FGFBP3: variants seen among roughly 807,000 people sequenced by gnomAD.
The protein encoded by FGFBP3 is fibroblast growth factor binding protein 3, also known as fibroblast growth factor-binding protein 3.
FGFBP3 carries 4 observed loss-of-function variants against 4.8 expected under a neutral mutation model. The ratio of observed to expected loss-of-function variants is 0.83; its 90% CI spans 0.41 to 1.90. The LOEUF is 1.90. Ranked by LOEUF, FGFBP3 falls within the 40% of genes most tolerant of loss-of-function variation. FGFBP3 has a pLI of 0.03. For missense variants in FGFBP3, 429 were observed against 397.4 expected, an observed-to-expected ratio of 1.08 and a Z score of -0.68; for synonymous variants, 215 against 190.0, an observed-to-expected ratio of 1.13 and a Z score of -1.08.
rs1564642469 is a variant in FGFBP3 at position 91,908,961 on chromosome 10, A to T, written c.9T>A (p.Pro3=). ...GCGACAGCGACGCTCGCAGCTTCGG[A>T]GGAGTCATGCTCCGCGGTTTCCGCG... MT[P]PKLRASLSPS... The change falls in exon 2 of 2, where the codon CCT becomes CCA. Residue 3 remains proline, a synonymous_variant. Coordinates refer to ENST00000311575, the MANE Select transcript of FGFBP3 (RefSeq NM_152429.5). 1 of 1,585,526 alleles carries T rather than the reference A, an allele frequency of 6.3e-7. No individual in the cohort carries two copies. The highest frequency in any genetic ancestry group is 8.6e-7 in the Non-Finnish European group (1 of 1,167,936).
In FGFBP3 at chr10:91,908,490, C is replaced by A; in HGVS notation, c.480G>T (p.Ala160=). 7.2e-7 allele frequency: 1 copy of A among 1,393,558 alleles called. No individual in the cohort carries two copies. The highest frequency in any genetic ancestry group is 3.0e-5 in the East Asian group (1 of 33,262). 86.3% of individuals were successfully genotyped at this position (1,393,558 alleles called of 1,614,324 possible). A position where few individuals can be genotyped will look rare whatever the true frequency, so the allele number is the denominator to read the frequency against. Residue 160 remains alanine (A), a synonymous_variant, in exon 2 of 2, where the codon GCG becomes GCT. Transcript: ENST00000311575. ...GGGGCTTGGACTCCCCCGCGAATCCCGCGACGGTGGGGCGTGCGGGCGGGG... is the reference window on the plus strand; with the variant it reads ...GGGGCTTGGACTCCCCCGCGAATCCAGCGACGGTGGGGCGTGCGGGCGGGG... ...RASPPARPTV[A]GFAGESKPRA...
rs528736388 is a variant in FGFBP3, at chr10:91,908,490, C to T, written c.480G>A (p.Ala160=). The T allele has an allele frequency of 1.4e-6, 2 of 1,393,556 alleles. No homozygotes were observed. Among genetic ancestry groups the T allele is most frequent in the East Asian group, 3.0e-5 (1 of 33,262 alleles). The allele number at this position is 1,393,556 out of a possible 1,614,324, so 86.3% of individuals were successfully genotyped here. A position where few individuals can be genotyped will look rare whatever the true frequency, so the allele number is the denominator to read the frequency against. ...GGGGCTTGGACTCCCCCGCGAATCC[C>T]GCGACGGTGGGGCGTGCGGGCGGGG... is the stretch of plus-strand genomic sequence containing the variant. The part of the protein sequence containing the change: ...RASPPARPTV[A]GFAGESKPRA... The change falls in exon 2 of 2, where the codon GCG becomes GCA. Residue 160 remains alanine (A), a synonymous_variant. Coordinates refer to ENST00000311575, the MANE Select transcript of FGFBP3 (RefSeq NM_152429.5).
Position 91,908,638 on chromosome 10 carries a change from T to C in FGFBP3, c.332A>G (p.Lys111Arg). The C allele has an allele frequency of 7.0e-7, 1 of 1,437,502 alleles. No individual in the cohort carries two copies. The highest frequency in any genetic ancestry group is 9.1e-7 in the Non-Finnish European group (1 of 1,098,972). 89.0% of individuals were successfully genotyped at this position (1,437,502 alleles called of 1,614,324 possible). A position where few individuals can be genotyped will look rare whatever the true frequency, so the allele number is the denominator to read the frequency against. The change falls in exon 2 of 2, where the codon AAG (lysine) becomes AGG (arginine). Residue 111 changes from lysine to arginine, a missense_variant. Physicochemically the swap from Lys to Arg is conservative, Grantham distance 26. Transcript: ENST00000311575. ...CTTGCGCAGCCCTCCCAGCACCTGC[T>C]TCCAGAAGTGCGCGCGGCGAGCGGC... ...AYAARRAHFW[K>R]QVLGGLRKKR...
In FGFBP3 at chr10:91,908,026, C is replaced by T. The variant is rs1385366385; in HGVS notation, c.*167G>A. The T allele has an allele frequency of 7.0e-6, 5 of 715,882 alleles. No homozygotes were observed. The Admixed American group carries it at 1.5e-4, about 22-fold the overall frequency. 44.3% of individuals were successfully genotyped at this position (715,882 alleles called of 1,614,324 possible). A position where few individuals can be genotyped will look rare whatever the true frequency, so the allele number is the denominator to read the frequency against. The stretch of plus-strand genomic sequence containing the variant: ...TGCTATCCCAGAGATTCTCCATACC[C>T]CTTACACTCTCATCCCAAGCATCTC... On this transcript the variant is annotated 3_prime_UTR_variant, in exon 2 of 2. Transcript: ENST00000311575.
chr10:91,908,265 C>T lies in FGFBP3; in HGVS notation c.705G>A (p.Glu235=). 1 of 1,605,592 alleles carries T rather than the reference C, an allele frequency of 6.2e-7. No individual in the cohort carries two copies. Among genetic ancestry groups the T allele is most frequent in the African/African-American group, 1.3e-5 (1 of 74,506 alleles). ...PDPDGLDGNA[E]LTETYCAEKW... ...TCTCAGCGCAGTAGGTCTCCGTGAG[C>T]TCCGCGTTCCCGTCCAGCCCGTCGG... The change falls in exon 2 of 2, where the codon GAG becomes GAA. Residue 235 remains glutamate, a synonymous_variant. Transcript: ENST00000311575.
rs1487058146 is a variant in FGFBP3 at position 91,908,585 on chromosome 10, G to A, written c.385C>T (p.Pro129Ser). 5.6e-6 allele frequency: 8 copies of A among 1,419,670 alleles called. No individual in the cohort carries two copies. Among genetic ancestry groups the A allele is most frequent in the Admixed American group, 3.3e-5 (1 of 30,708 alleles). 87.9% of individuals were successfully genotyped at this position (1,419,670 alleles called of 1,614,324 possible). ...KKRRPCHDPA[P>S]LQARLCAGKK... ...CCCGCGCACAAGCGGGCCTGGAGCG[G>A]CGCGGGGTCGTGACAGGGCCTCCGC... Residue 129 changes from proline (P) to serine (S), a missense_variant, in exon 2 of 2, where the codon CCG becomes TCG. Coordinates refer to ENST00000311575, the MANE Select transcript of FGFBP3 (RefSeq NM_152429.5).
At position 91,908,704 on chromosome 10, in the gene FGFBP3, T is replaced by C. The variant is rs1052522347; in HGVS notation, c.266A>G (p.Gln89Arg). ...RCQSPDGARH[Q>R]CAYRGHPERC... ...CTCCGGATGCCCGCGGTAGGCGCAC[T>C]GGTGGCGCGCCCCGTCCGGGCTCTG... is the stretch of plus-strand genomic sequence containing the variant. The change falls in exon 2 of 2, where the codon CAG becomes CGG. Residue 89 changes from glutamine (Q) to arginine (R), a missense_variant. Physicochemically the swap from Gln to Arg is conservative, Grantham distance 43. Coordinates refer to ENST00000311575, the MANE Select transcript of FGFBP3 (RefSeq NM_152429.5). 3.2e-5 allele frequency: 45 copies of C among 1,396,492 alleles called. No homozygotes were observed. The East Asian group carries it at 1.3e-3, about 40-fold the overall frequency. The allele number at this position is 1,396,492 out of a possible 1,614,324, so 86.5% of individuals were successfully genotyped here.
In FGFBP3 at chr10:91,908,197, C is replaced by G. The variant is rs751304025; in HGVS notation, c.773G>C (p.Gly258Ala). Residue 258 changes from glycine (G) to alanine (A), a missense_variant, in exon 2 of 2, where the codon GGC (glycine) becomes GCC (alanine). By Grantham distance (60) the Gly-to-Ala change is moderately conservative. Transcript: ENST00000311575. ...LCNFFVNFWN[G>A] Reference sequence around the variant, plus strand: ...TCCCTAAGCCGGCAGGCAGTCTCAGCCGTTCCAGAAATTGACAAAGAAGTT... The same window carrying G: ...TCCCTAAGCCGGCAGGCAGTCTCAGGCGTTCCAGAAATTGACAAAGAAGTT... The G allele has an allele frequency of 6.3e-7, 1 of 1,596,022 alleles. No homozygotes were observed. The highest frequency in any genetic ancestry group is 1.1e-5 in the South Asian group (1 of 88,520).
At position 91,908,542 on chromosome 10, in the gene FGFBP3, G is replaced by A; in HGVS notation, c.428C>T (p.Ala143Val). The A allele has an allele frequency of 7.2e-7, 1 of 1,380,896 alleles. No individual in the cohort carries two copies. Among genetic ancestry groups the A allele is most frequent in the South Asian group, 1.7e-5 (1 of 60,176 alleles). The allele number at this position is 1,380,896 out of a possible 1,614,324, so 85.5% of individuals were successfully genotyped here. A position where few individuals can be genotyped will look rare whatever the true frequency, so the allele number is the denominator to read the frequency against. Residue 143 changes from alanine to valine, a missense_variant, in exon 2 of 2, where the codon GCC becomes GTC. Coordinates refer to ENST00000311575, the MANE Select transcript of FGFBP3 (RefSeq NM_152429.5). ...RLCAGKKGHG[A>V]ELRLVPRASP... is the part of the protein sequence containing the mutation. Reference sequence around the variant, plus strand: ...CGCGCGGGGCACTAGCCGCAGCTCGGCGCCGTGGCCCTTCTTGCCCGCGCA... The same window carrying A: ...CGCGCGGGGCACTAGCCGCAGCTCGACGCCGTGGCCCTTCTTGCCCGCGCA...
chr10:91,906,997 G>A lies in FGFBP3; in HGVS notation c.*1196C>T, dbSNP rs1179213895. The A allele has an allele frequency of 6.6e-6, 1 of 151,762 alleles. No homozygotes were observed. The highest frequency in any genetic ancestry group is 1.5e-5 in the Non-Finnish European group (1 of 67,986). 9.4% of individuals were successfully genotyped at this position (151,762 alleles called of 1,614,324 possible). On this transcript the variant is annotated 3_prime_UTR_variant, in exon 2 of 2. Coordinates refer to ENST00000311575, the MANE Select transcript of FGFBP3 (RefSeq NM_152429.5). Reference sequence around the variant, plus strand: ...TAAAAATGAAATATATTAATAATTAGTTACATGAAACAGAGAGATACAACT... The same window carrying A: ...TAAAAATGAAATATATTAATAATTAATTACATGAAACAGAGAGATACAACT...
chr10:91,908,547 G>A lies in FGFBP3; in HGVS notation c.423C>T (p.His141=), dbSNP rs529040118. The change falls in exon 2 of 2, where the codon CAC becomes CAT. Residue 141 remains histidine, a synonymous_variant. Transcript: ENST00000311575. ...GGGGCACTAGCCGCAGCTCGGCGCC[G>A]TGGCCCTTCTTGCCCGCGCACAAGC... The part of the protein sequence containing the change: ...QARLCAGKKG[H]GAELRLVPRA... The A allele has an allele frequency of 2.3e-4, 319 of 1,385,446 alleles. 4 individuals are homozygous for A. In the South Asian group the frequency reaches 5.0e-3, roughly 22 times the overall value. The allele number at this position is 1,385,446 out of a possible 1,614,324, so 85.8% of individuals were successfully genotyped here. A position where few individuals can be genotyped will look rare whatever the true frequency, so the allele number is the denominator to read the frequency against.
In FGFBP3 at chr10:91,908,662, G is replaced by A; in HGVS notation, c.308C>T (p.Ala103Val). 1 of 1,435,748 alleles carries A rather than the reference G, an allele frequency of 7.0e-7. No individual in the cohort carries two copies. Among genetic ancestry groups the A allele is most frequent in the Non-Finnish European group, 9.1e-7 (1 of 1,098,510 alleles). 88.9% of individuals were successfully genotyped at this position (1,435,748 alleles called of 1,614,324 possible). ...RGHPERCAAY[A>V]ARRAHFWKQV... ...CTTCCAGAAGTGCGCGCGGCGAGCG[G>A]CGTAGGCTGCGCAGCGCTCCGGATG... The change falls in exon 2 of 2, where the codon GCC (alanine) becomes GTC (valine). Residue 103 changes from alanine (A) to valine (V), a missense_variant. Ala to Val is a moderately conservative substitution (Grantham distance 64). Transcript: ENST00000311575.
rs759710869 is a variant in FGFBP3, at chr10:91,908,422, G to A, written c.548C>T (p.Pro183Leu). 1.5e-5 allele frequency: 22 copies of A among 1,512,822 alleles called. No individual in the cohort carries two copies. The highest frequency in any genetic ancestry group is 1.8e-5 in the Non-Finnish European group (21 of 1,137,340). 93.7% of individuals were successfully genotyped at this position (1,512,822 alleles called of 1,614,324 possible). A position where few individuals can be genotyped will look rare whatever the true frequency, so the allele number is the denominator to read the frequency against. Residue 183 changes from proline (P) to leucine (L), a missense_variant, in exon 2 of 2, where the codon CCA (proline) becomes CTA (leucine). Physicochemically the swap from Pro to Leu is moderately conservative, Grantham distance 98 (BLOSUM62 -3). Coordinates refer to ENST00000311575, the MANE Select transcript of FGFBP3 (RefSeq NM_152429.5). The part of the protein sequence containing the change: ...RGRTRERASG[P>L]AAGTPPPQSA... ...TTGGGGAGGCGGGGTCCCAGCGGCT[G>A]GGCCGGACGCACGCTCCCGGGTCCG...
Position 91,907,217 on chromosome 10 carries a change from C to A in FGFBP3, c.*976G>T, listed in dbSNP as rs117628102. 6.6e-6 allele frequency: 1 copy of A among 152,140 alleles called. No individual in the cohort carries two copies. The highest frequency in any genetic ancestry group is 6.5e-5 in the Admixed American group (1 of 15,272). The allele number at this position is 152,140 out of a possible 1,614,324, so 9.4% of individuals were successfully genotyped here. On this transcript the variant is annotated 3_prime_UTR_variant, in exon 2 of 2. Transcript: ENST00000311575. ...AAAAAGTAGCACTTCTAGTGGCACACCCCTGTAGTCCTGGCTACTCCGGAG... is the reference window on the plus strand; with the variant it reads ...AAAAAGTAGCACTTCTAGTGGCACAACCCTGTAGTCCTGGCTACTCCGGAG...
Position 91,908,905 on chromosome 10 carries a change from A to G in FGFBP3, c.65T>C (p.Leu22Pro). The G allele has an allele frequency of 6.2e-7, 1 of 1,601,958 alleles. No individual in the cohort carries two copies. The highest frequency in any genetic ancestry group is 8.5e-7 in the Non-Finnish European group (1 of 1,176,664). The change falls in exon 2 of 2, where the codon CTC (leucine) becomes CCC (proline). Residue 22 changes from leucine (L) to proline (P), a missense_variant. Coordinates refer to ENST00000311575, the MANE Select transcript of FGFBP3 (RefSeq NM_152429.5). ...TTTCTCCCTCCGAGCAGCCGCGAGG[A>G]GGCAACCACTCAGCAGCAGCAGCAG... is the stretch of plus-strand genomic sequence containing the variant. ...PSLLLLLSGC[L>P]LAAARREKGA...
In FGFBP3 at chr10:91,908,617, C is replaced by G; in HGVS notation, c.353G>C (p.Arg118Pro). Reference protein sequence around the residue: ...HFWKQVLGGLRKKRRPCHDPA... With the variant: ...HFWKQVLGGLPKKRRPCHDPA... ...GTCGTGACAGGGCCTCCGCTTCTTG[C>G]GCAGCCCTCCCAGCACCTGCTTCCA... Residue 118 changes from arginine to proline, a missense_variant, in exon 2 of 2, where the codon CGC becomes CCC. Coordinates refer to ENST00000311575, the MANE Select transcript of FGFBP3 (RefSeq NM_152429.5). 7.0e-7 allele frequency: 1 copy of G among 1,430,226 alleles called. No homozygotes were observed. Among genetic ancestry groups the G allele is most frequent in the Non-Finnish European group, 9.1e-7 (1 of 1,096,742 alleles). The allele number at this position is 1,430,226 out of a possible 1,614,324, so 88.6% of individuals were successfully genotyped here. A position where few individuals can be genotyped will look rare whatever the true frequency, so the allele number is the denominator to read the frequency against.
Position 91,908,502 on chromosome 10 carries a change from G to C in FGFBP3, c.468C>G (p.Arg156=). 1 of 1,382,930 alleles carries C rather than the reference G, an allele frequency of 7.2e-7. No homozygotes were observed. Among genetic ancestry groups the C allele is most frequent in the Non-Finnish European group, 9.3e-7 (1 of 1,074,896 alleles). 85.7% of individuals were successfully genotyped at this position (1,382,930 alleles called of 1,614,324 possible). ...CCCCCGCGAATCCCGCGACGGTGGG[G>C]CGTGCGGGCGGGGACGCGCGGGGCA... ...RLVPRASPPA[R]PTVAGFAGES... is the part of the protein sequence containing the mutation. Residue 156 remains arginine, a synonymous_variant, in exon 2 of 2, where the codon CGC becomes CGG. Coordinates refer to ENST00000311575, the MANE Select transcript of FGFBP3 (RefSeq NM_152429.5).
chr10:91,908,572 C>T lies in FGFBP3; in HGVS notation c.398G>A (p.Arg133His). The change falls in exon 2 of 2, where the codon CGC becomes CAC. Residue 133 changes from arginine (R) to histidine (H), a missense_variant. Coordinates refer to ENST00000311575, the MANE Select transcript of FGFBP3 (RefSeq NM_152429.5). ...GTGGCCCTTCTTGCCCGCGCACAAG[C>T]GGGCCTGGAGCGGCGCGGGGTCGTG... The part of the protein sequence containing the change: ...PCHDPAPLQA[R>H]LCAGKKGHGA... The T allele has an allele frequency of 7.1e-7, 1 of 1,399,206 alleles. No homozygotes were observed. Among genetic ancestry groups the T allele is most frequent in the Non-Finnish European group, 9.2e-7 (1 of 1,084,098 alleles). 86.7% of individuals were successfully genotyped at this position (1,399,206 alleles called of 1,614,324 possible).
In FGFBP3 at chr10:91,908,572, CG is replaced by C; in HGVS notation, c.397del (p.Arg133AlafsTer15). 1 of 1,399,202 alleles carries C rather than the reference CG, an allele frequency of 7.1e-7. No homozygotes were observed. The allele number at this position is 1,399,202 out of a possible 1,614,324, so 86.7% of individuals were successfully genotyped here. A position where few individuals can be genotyped will look rare whatever the true frequency, so the allele number is the denominator to read the frequency against. On this transcript the variant is annotated frameshift_variant, in exon 2 of 2. Transcript: ENST00000311575. LOFTEE classifies it low-confidence loss of function (END_TRUNC). ...GTGGCCCTTCTTGCCCGCGCACAAG[CG>C]GGCCTGGAGCGGCGCGGGGTCGTGA... ...PCHDPAPLQA[R>X]LCAGKKGHGA...
Sources: gnomAD v4.1 joint callset for allele counts on GRCh38, gnomAD v4.1.1 for gene constraint, MANE v1.5 for transcripts, NCBI Gene and HGNC (gene_info 2026-07-23, HGNC 2026-07-21) for gene names.